The following TACC1 variants were observed in gnomAD, a reference collection of about 807,000 sequenced individuals.
TACC1 encodes the protein transforming acidic coiled-coil containing protein 1, also known as transforming acidic coiled-coil-containing protein 1.
Under a neutral mutation model 84.4 loss-of-function variants are expected in TACC1, and 48 were observed. The observed-to-expected ratio is 0.57, with a 90% CI of 0.45 to 0.72. The LOEUF is 0.72. Ranked by LOEUF, TACC1 falls within the 30% of genes least tolerant of loss-of-function variation. The pLI is 0.00. For synonymous variants in TACC1, 372 were observed against 376.3 expected, an observed-to-expected ratio of 0.99 and a Z score of 0.13; for missense variants, 920 against 973.0, an observed-to-expected ratio of 0.95 and a Z score of 0.72.
At chr8:38,827,587 G>A in intron 5 of TACC1, 1 of 588,168 alleles carries the variant, frequency 1.7e-6, no homozygotes. Flanking sequence ...GTGACAAGTT[G>A]TATAGGAGAT....
At chr8:38,761,963 G>T (rs1001126953) in intron 3 of TACC1, among the ~76,000 whole-genome samples, 2 of 152,124 alleles carry the variant, frequency 1.3e-5, no homozygotes, top group African/African-American at 4.8e-5. Context: ...AGCCAATCCC[G>T]AAGGAAATGA....
intron 2 of TACC1, among the ~76,000 whole-genome samples, chr8:38,798,386 T>G (rs1469893291): frequency 6.6e-6 from 1 of 152,086 alleles, no homozygotes; most frequent in Non-Finnish European, 1.5e-5. Flanking sequence ...TACCAAGTGG[T>G]TTTCCAGATT....
intron 3 of TACC1, among the ~76,000 whole-genome samples, chr8:38,774,989 T>C (rs1587538414): frequency 7.6e-6 from 1 of 131,530 alleles, no homozygotes; most frequent in Non-Finnish European, 1.6e-5. Flanking sequence ...CCAGCCTGGG[T>C]GACACGGTGA....
Position 38,840,445 on chromosome 8 carries a change from C to T in TACC1, c.1960+178C>T, listed in dbSNP as rs555685898. ...ATGAGATGTCTGGGGAGGGCCCATT[C>T]CTCATAGAAGGGGCTGGCTAGCTCT... is the stretch of plus-strand genomic sequence containing the variant. On this transcript the variant is annotated intron_variant, in intron 9 of 12. Coordinates refer to ENST00000317827, the MANE Select transcript of TACC1 (RefSeq NM_006283.3). 2.7e-5 allele frequency: 14 copies of T among 523,966 alleles called. 1 individual carries two copies. In the South Asian group the frequency reaches 3.6e-4, roughly 14 times the overall value. The allele number at this position is 523,966 out of a possible 1,614,324, so 32.5% of individuals were successfully genotyped here.
intron 6 of TACC1, among the ~76,000 whole-genome samples, chr8:38,834,762 T>C (rs969048786): frequency 1.3e-4 from 20 of 152,230 alleles, no homozygotes; most frequent in African/African-American, 4.3e-4. Context: ...AAAACTATAA[T>C]GACTCTGAAA....
intron 1 of TACC1, among the ~76,000 whole-genome samples, chr8:38,740,817 G>A (rs1022326422): frequency 1.3e-5 from 2 of 152,142 alleles, no homozygotes; most frequent in Non-Finnish European, 2.9e-5. Flanking sequence ...ATCTTTCTCC[G>A]CAGGAAGATG....
rs772572346 is a variant in TACC1, at chr8:38,848,029, T to G, written c.*6T>G. 21 of 1,611,408 alleles carry G rather than the reference T, an allele frequency of 1.3e-5. No homozygotes were observed. The highest frequency in any genetic ancestry group is 1.7e-5 in the Non-Finnish European group (20 of 1,178,390). ...AGCTGGGAAAGACTGACTGAGACAC[T>G]CCCCCTGTTAGCTCAACAGATCTGC... On this transcript the variant is annotated 3_prime_UTR_variant, in exon 13 of 13. Transcript: ENST00000317827.
At chr8:38,729,317 G>A (rs1804448842) in intron 1 of TACC1, among the ~76,000 whole-genome samples, 1 of 152,188 alleles carries the variant, frequency 6.6e-6, no homozygotes, top group South Asian at 2.1e-4. Context: ...CTGCGTTTAT[G>A]GACAGAACTC....
intron 3 of TACC1, among the ~76,000 whole-genome samples, chr8:38,771,686 T>C (rs1481068863): frequency 6.6e-6 from 1 of 152,228 alleles, no homozygotes; most frequent in Admixed American, 6.5e-5. Flanking sequence ...AAGTTTCTCA[T>C]GCAGTAGAGG....
rs1040068419 is a variant in TACC1 at position 38,848,167 on chromosome 8, C to T, written c.*144C>T. ...AGCACATGCCTACTGCTGCCTGTCC[C>T]GCTTTGCTGCCAATGCAACAGCCCT... On this transcript the variant is annotated 3_prime_UTR_variant, in exon 13 of 13. Coordinates refer to ENST00000317827, the MANE Select transcript of TACC1 (RefSeq NM_006283.3). 25 of 700,266 alleles carry T rather than the reference C, an allele frequency of 3.6e-5. No individual in the cohort carries two copies. Among genetic ancestry groups the T allele is most frequent in the African/African-American group, 2.4e-4 (13 of 55,160 alleles). 43.4% of individuals were successfully genotyped at this position (700,266 alleles called of 1,614,324 possible).
chr8:38,773,611 T>C (rs924701974), intron 3 of TACC1, among the ~76,000 whole-genome samples: 1 of 151,480 alleles, frequency 6.6e-6, no homozygotes, highest in African/African-American at 2.4e-5. Context: ...TCTAGCTATC[T>C]ATCTAGCTAT....
At chr8:38,757,418 C>G (rs923265684) in intron 3 of TACC1, 31 of 1,212,530 alleles carry the variant, frequency 2.6e-5, no homozygotes, top group Non-Finnish European at 3.1e-5. Flanking sequence ...GCGTGAGTCC[C>G]AGAGCCCTCT....
intron 3 of TACC1, among the ~76,000 whole-genome samples, chr8:38,753,903 C>CTTTTTCTTTCTTTCTTTCTT (rs1809476867): frequency 1.3e-5 from 1 of 76,526 alleles, no homozygotes; most frequent in Non-Finnish European, 2.9e-5. Flanking sequence ...TCCTCTTTTT[C>CTTTTTCTTTCTTTCTTTCTT]TTTTTCTTTC....
chr8:38,812,328 A>G (rs2152130274), intron 2 of TACC1, among the ~76,000 whole-genome samples: 1 of 152,210 alleles, frequency 6.6e-6, no homozygotes, highest in Non-Finnish European at 1.5e-5. Context: ...GAAATCCTTA[A>G]TAAAAACATG....
At chr8:38,745,454 A>C (rs1236636743) in exon 3 of TACC1, 1 of 681,960 alleles carries the variant, frequency 1.5e-6, no homozygotes, top group East Asian at 2.7e-5. Flanking sequence ...AAGTCAATCA[A>C]ATCTGACCTG....
At chr8:38,802,250 A>G (rs1186972567) in intron 2 of TACC1, 1 of 152,242 alleles carries the variant, frequency 6.6e-6, no homozygotes. Flanking sequence ...TCCGTTTTGT[A>G]TTGCTGTAAA....
At chr8:38,807,671 C>T (rs530646994) in intron 2 of TACC1, among the ~76,000 whole-genome samples, 1 of 152,336 alleles carries the variant, frequency 6.6e-6, no homozygotes, top group East Asian at 1.9e-4. Flanking sequence ...AGTATGTTAG[C>T]TGAATACATT....
chr8:38,757,581 G>A (rs1381259204), intron 3 of TACC1, among the ~76,000 whole-genome samples: 1 of 152,012 alleles, frequency 6.6e-6, no homozygotes, highest in Non-Finnish European at 1.5e-5. Flanking sequence ...CAGGGCCCCA[G>A]GGGCGTCCGG....
intron 11 of TACC1, 125 bp from the exon 12 acceptor site, chr8:38,846,574 C>A: frequency 8.6e-7 from 1 of 1,157,516 alleles, no homozygotes; most frequent in Non-Finnish European, 1.2e-6. Context: ...TTTTTTTTCT[C>A]TCATGCAGTC....
Sources: gnomAD v4.1 joint callset for allele counts (sites outside exome capture counted in the v4.1 genomes callset) on GRCh38, gnomAD v4.1.1 for gene constraint, MANE v1.5 for transcripts, NCBI Gene and HGNC (gene_info 2026-07-23, HGNC 2026-07-21) for gene names.